IPO4: variants seen among roughly 807,000 people sequenced by gnomAD.
IPO4 encodes importin 4.
Under a neutral mutation model 133.5 loss-of-function variants are expected in IPO4, and 91 were observed. The ratio of observed to expected loss-of-function variants is 0.68; its 90% CI spans 0.58 to 0.81. The LOEUF is 0.81. IPO4 is among the 30% of genes least tolerant of loss of function. IPO4 has a pLI of 0.00. For missense variants in IPO4, 1,279 were observed against 1,386.2 expected, an observed-to-expected ratio of 0.92 and a Z score of 1.23; for synonymous variants, 607 against 581.6, an observed-to-expected ratio of 1.04 and a Z score of -0.63.
rs1165383537 is a variant in IPO4, at chr14:24,182,337, C to G, written c.2539G>C (p.Gly847Arg). Reference sequence around the variant, plus strand: ...AAGAATGGGGCAAAGGAGTCTCCCCCAGCCGCGGCTGCCAGGGCAGGGATG... The same window carrying G: ...AAGAATGGGGCAAAGGAGTCTCCCCGAGCCGCGGCTGCCAGGGCAGGGATG... Reference protein sequence around the residue: ...EAIPALAAAAGGDSFAPFFAG... With the variant: ...EAIPALAAAARGDSFAPFFAG... The change falls in exon 25 of 30, where the codon GGG (glycine) becomes CGG (arginine). Residue 847 changes from glycine (G) to arginine (R), a missense_variant. This residue lies in a region of IPO4 where 575 missense variants were observed against 653.4 expected (regional missense o/e 0.88). Coordinates refer to ENST00000354464, the MANE Select transcript of IPO4 (RefSeq NM_024658.4). The G allele has an allele frequency of 6.2e-7, 1 of 1,613,916 alleles. No homozygotes were observed. The highest frequency in any genetic ancestry group is 8.5e-7 in the Non-Finnish European group (1 of 1,179,944).
At position 24,180,453 on chromosome 14, in the gene IPO4, C is replaced by T; in HGVS notation, c.3235G>A (p.Gly1079Ser). ...CTGCAGCCTGCAGTCTAGGAGAGGC[C>T]CAGTACAGCCTGGAGCTCCTGAGCC... ...DKAQELQAVLGLS is the reference protein window; with the variant it reads ...DKAQELQAVLSLS Residue 1079 changes from glycine (G) to serine (S), a missense_variant, in exon 30 of 30, where the codon GGC becomes AGC. Transcript: ENST00000354464. The T allele has an allele frequency of 6.2e-7, 1 of 1,611,308 alleles. No homozygotes were observed. The highest frequency in any genetic ancestry group is 8.5e-7 in the Non-Finnish European group (1 of 1,178,286).
At position 24,184,686 on chromosome 14, in the gene IPO4, G is replaced by T. The variant is rs540480468; in HGVS notation, c.1600C>A (p.Arg534Ser). ...ATCTGCACAGGCTGAAGGTCCTCAC[G>T]GCCTGTTAACAGGAATTCCCGCAGG... is the stretch of plus-strand genomic sequence containing the variant. ...EHLREFLLTGREDLQPVQIQS... is the reference protein window; with the variant it reads ...EHLREFLLTGSEDLQPVQIQS... The change falls in exon 16 of 30, where the codon CGT (arginine) becomes AGT (serine). Residue 534 changes from arginine (R) to serine (S), a missense_variant. Transcript: ENST00000354464. 5 of 1,611,408 alleles carry T rather than the reference G, an allele frequency of 3.1e-6. No individual in the cohort carries two copies. The African/African-American group carries it at 6.7e-5, about 22-fold the overall frequency.
Position 24,186,560 on chromosome 14 carries a change from C to A in IPO4, c.841-109G>T. On this transcript the variant is annotated intron_variant, in intron 9 of 29. Coordinates refer to ENST00000354464, the MANE Select transcript of IPO4 (RefSeq NM_024658.4). ...AAGGGGTCTGACAGAAAATTCCCAA[C>A]CTCCCAGGCAGGAGCTGGGGTGAGG... The A allele has an allele frequency of 3.5e-6, 5 of 1,417,376 alleles. No individual in the cohort carries two copies. In the Middle Eastern group the frequency reaches 5.6e-4, roughly 158 times the overall value. 87.8% of individuals were successfully genotyped at this position (1,417,376 alleles called of 1,614,324 possible). A position where few individuals can be genotyped will look rare whatever the true frequency, so the allele number is the denominator to read the frequency against.
intron 24 of IPO4, 105 bp downstream of exon 24, chr14:24,182,687 T>C: frequency 7.7e-7 from 1 of 1,291,714 alleles, no homozygotes; most frequent in Admixed American, 1.7e-5. Flanking sequence ...CAGTCTCTTT[T>C]AGTGGCCCTG....
Position 24,181,629 on chromosome 14 carries a change from A to G in IPO4, c.2941-12T>C. ...AGGGCAGCCAGCACCTGGGCACACA[A>G]ATGTCTCAGGCCAACCTGCCCTGCC... On this transcript the variant is annotated splice_polypyrimidine_tract_variant and intron_variant, in intron 27 of 29. Transcript: ENST00000354464. 2.5e-6 allele frequency: 4 copies of G among 1,613,928 alleles called. No individual in the cohort carries two copies. The highest frequency in any genetic ancestry group is 3.4e-6 in the Non-Finnish European group (4 of 1,179,946).
chr14:24,187,030 A>G, intron 7 of IPO4, 51 bp from the exon 8 acceptor site: 1 of 1,612,528 alleles, frequency 6.2e-7, no homozygotes, highest in South Asian at 1.1e-5. Flanking sequence ...CAGTGGGCCA[A>G]ACTGGACACT....
chr14:24,180,602 G>A, intron 29 of IPO4, 30 bp from the exon 30 acceptor site: 2 of 1,612,224 alleles, frequency 1.2e-6, no homozygotes, highest in Non-Finnish European at 1.7e-6. Context: ...GAAAGGTCGG[G>A]GCTCCTAAAG....
chr14:24,182,125 C>T lies in IPO4; in HGVS notation c.2637G>A (p.Val879=), dbSNP rs1173435440. ...CCTGAATAGTCTCTGCCAAGGTCCC[C>T]ACTGCAAAGGACTTCTCTGCCACTG... ...GCTVAEKSFA[V]GTLAETIQGL... is the part of the protein sequence containing the mutation. The change falls in exon 26 of 30, where the codon GTG becomes GTA. Residue 879 remains valine, a synonymous_variant. Coordinates refer to ENST00000354464, the MANE Select transcript of IPO4 (RefSeq NM_024658.4). The T allele has an allele frequency of 1.2e-6, 2 of 1,614,076 alleles. No individual in the cohort carries two copies. Among genetic ancestry groups the T allele is most frequent in the Non-Finnish European group, 1.7e-6 (2 of 1,180,040 alleles).
In IPO4 at chr14:24,188,415, C is replaced by T; in HGVS notation, c.165G>A (p.Gln55=). 6.2e-7 allele frequency: 1 copy of T among 1,611,672 alleles called. No homozygotes were observed. Among genetic ancestry groups the T allele is most frequent in the Non-Finnish European group, 8.5e-7 (1 of 1,179,906 alleles). Residue 55 remains glutamine (Q), a synonymous_variant, in exon 3 of 30, where the codon CAG becomes CAA. Coordinates refer to ENST00000354464, the MANE Select transcript of IPO4 (RefSeq NM_024658.4). The part of the protein sequence containing the change: ...LASAADPQIR[Q]FAAVLTRRRL... ...GTCTGCGGGTCAGCACGGCCGCAAA[C>T]TGGCGGATCTAGGACGAGGAAGCAA...
chr14:24,187,652 A>C lies in IPO4; in HGVS notation c.408+15T>G. ...GCCTCTCAGGCCCTCCCTCCTGCCA[A>C]CCATGTGATGGTACCTCTCTCTCTG... On this transcript the variant is annotated intron_variant, in intron 5 of 29. Coordinates refer to ENST00000354464, the MANE Select transcript of IPO4 (RefSeq NM_024658.4). The C allele has an allele frequency of 6.2e-7, 1 of 1,613,776 alleles. No individual in the cohort carries two copies. The highest frequency in any genetic ancestry group is 8.5e-7 in the Non-Finnish European group (1 of 1,179,656).
At position 24,184,036 on chromosome 14, in the gene IPO4, G is replaced by A. The variant is rs2039181976; in HGVS notation, c.1831C>T (p.Leu611Phe). The change falls in exon 18 of 30, where the codon CTC (leucine) becomes TTC (phenylalanine). Residue 611 changes from leucine to phenylalanine, a missense_variant. Around this residue, in one of 3 missense-constraint regions of IPO4, gnomAD observed 575 missense variants for 653.4 expected, o/e 0.88. Transcript: ENST00000354464. ...LAPHLEQITT[L>F]MLLSLRSTEG... ...GTGGAACGCAGTGACAGCAGCATGAGCGTGGTGATCTGTTCCAAGTGGGGC... is the reference window on the plus strand; with the variant it reads ...GTGGAACGCAGTGACAGCAGCATGAACGTGGTGATCTGTTCCAAGTGGGGC... 1.9e-6 allele frequency: 3 copies of A among 1,597,598 alleles called. No homozygotes were observed. The highest frequency in any genetic ancestry group is 1.7e-6 in the Non-Finnish European group (2 of 1,171,822).
rs964915161 is a variant in IPO4 at position 24,187,936 on chromosome 14, C to T, written c.279-140G>A. ...CTTTGCCAAGTTGGGACACATGAGA[C>T]AGCAGCTCAGAGGGAGCCCAACAGC... On this transcript the variant is annotated intron_variant, in intron 4 of 29. Coordinates refer to ENST00000354464, the MANE Select transcript of IPO4 (RefSeq NM_024658.4). The T allele has an allele frequency of 2.9e-6, 3 of 1,052,490 alleles. No homozygotes were observed. In the Admixed American group the frequency reaches 6.6e-5, roughly 23 times the overall value. The allele number at this position is 1,052,490 out of a possible 1,614,324, so 65.2% of individuals were successfully genotyped here.
Position 24,184,101 on chromosome 14 carries a change from A to G in IPO4, c.1766T>C (p.Leu589Pro), listed in dbSNP as rs1417448205. Residue 589 changes from leucine (L) to proline (P), a missense_variant, in exon 18 of 30, where the codon CTA becomes CCA. Leu to Pro is a moderately conservative substitution (Grantham distance 98, BLOSUM62 -3). Transcript: ENST00000354464. Reference sequence around the variant, plus strand: ...CATCAGACCCGATAAGGCTGCAAATAGGCTGTACCTGGTCAAAGCAGGCAG... The same window carrying G: ...CATCAGACCCGATAAGGCTGCAAATGGGCTGTACCTGGTCAAAGCAGGCAG... ...DPDLRRCTYS[L>P]FAALSGLMGE... is the part of the protein sequence containing the mutation. 6.2e-7 allele frequency: 1 copy of G among 1,612,306 alleles called. No homozygotes were observed. Among genetic ancestry groups the G allele is most frequent in the Non-Finnish European group, 8.5e-7 (1 of 1,179,686 alleles).
In IPO4 at chr14:24,187,599, G is replaced by C; in HGVS notation, c.409-20C>G. On this transcript the variant is annotated intron_variant, in intron 5 of 29. Transcript: ENST00000354464. Reference sequence around the variant, plus strand: ...CCCCATCTGTCCAAGAATAGAGGATGGGAGAGCAAGCTTACAAGGTCTATC... The same window carrying C: ...CCCCATCTGTCCAAGAATAGAGGATCGGAGAGCAAGCTTACAAGGTCTATC... 6.2e-7 allele frequency: 1 copy of C among 1,614,036 alleles called. No individual in the cohort carries two copies. The highest frequency in any genetic ancestry group is 8.5e-7 in the Non-Finnish European group (1 of 1,179,940).
Position 24,183,270 on chromosome 14 carries a change from G to A in IPO4, c.2207C>T (p.Pro736Leu), listed in dbSNP as rs1260742034. ...CTCACCAGCAGTGTTGGGTTCCGAG[G>A]GGCAGCTTTGACAGGCCTTGTGCAG... ...CALHKACQSC[P>L]SEPNTAALQA... is the part of the protein sequence containing the mutation. The change falls in exon 22 of 30, where the codon CCC becomes CTC. Residue 736 changes from proline to leucine, a missense_variant. Transcript: ENST00000354464. The A allele has an allele frequency of 6.2e-7, 1 of 1,613,600 alleles. No individual in the cohort carries two copies.
intron 2 of IPO4, 56 bp downstream of exon 2, chr14:24,188,496 G>T (rs1169052138): frequency 3.1e-6 from 5 of 1,607,144 alleles, no homozygotes; most frequent in Non-Finnish European, 4.3e-6. Context: ...GCGAATACTG[G>T]GGCTTGACCG....
Position 24,182,413 on chromosome 14 carries a change from C to A in IPO4, c.2473-10G>T, listed in dbSNP as rs750741101. On this transcript the variant is annotated splice_polypyrimidine_tract_variant and intron_variant, in intron 24 of 29. Transcript: ENST00000354464. ...TGGCGTCGTATTCAGCCTGTGGAGC[C>A]AGGTCAGGGGCTGGAGCACCAGGGC... The A allele has an allele frequency of 2.5e-6, 4 of 1,603,966 alleles. No homozygotes were observed. In the Admixed American group the frequency reaches 6.9e-5, roughly 28 times the overall value.
chr14:24,181,430 C>T, intron 28 of IPO4, 83 bp downstream of exon 28: 2 of 1,128,612 alleles, frequency 1.8e-6, no homozygotes, highest in Non-Finnish European at 2.6e-6. Context: ...CAGCCTGGAG[C>T]TCCCGAGCCT....
In IPO4 at chr14:24,184,324, T is replaced by C. The variant is rs1159233196; in HGVS notation, c.1731A>G (p.Val577=). 3 of 1,588,214 alleles carry C rather than the reference T, an allele frequency of 1.9e-6. No homozygotes were observed. Among genetic ancestry groups the C allele is most frequent in the South Asian group, 1.1e-5 (1 of 87,826 alleles). The change falls in exon 17 of 30, where the codon GTA becomes GTG. Residue 577 remains valine (V), a synonymous_variant. Coordinates refer to ENST00000354464, the MANE Select transcript of IPO4 (RefSeq NM_024658.4). The part of the protein sequence containing the change: ...CQLGLGLCDQ[V]DDPDLRRCTY... ...TGCAGCGCCGCAAGTCAGGGTCGTC[T>C]ACCTGGTCGCAGAGGCCCAGACCCA...
Sources: allele counts gnomAD v4.1 joint callset, GRCh38; gene constraint gnomAD v4.1.1; regional missense constraint gnomAD v4.1.1; transcripts MANE v1.5; gene names NCBI Gene and HGNC (gene_info 2026-07-23, HGNC 2026-07-21).